The following USP35 variants were observed in gnomAD, a reference collection of about 807,000 sequenced individuals.
USP35 encodes ubiquitin specific peptidase 35.
In USP35, 69 loss-of-function variants were observed where a neutral mutation model predicts 83.8. The ratio of observed to expected loss-of-function variants is 0.82; its 90% CI spans 0.68 to 1.01. The LOEUF (loss-of-function observed/expected upper bound fraction) is 1.01. Ranked by LOEUF, USP35 falls within the 50% of genes least tolerant of loss-of-function variation. The pLI is 0.00. For synonymous variants in USP35, 714 were observed against 589.5 expected (o/e 1.21, Z -3.06); for missense variants, 1,503 against 1,362.5 (o/e 1.10, Z -1.62).
intron 4 of USP35, 113 bp downstream of exon 4, chr11:78,199,837 T>C (rs1004386186): frequency 6.5e-7 from 1 of 1,538,426 alleles, no homozygotes; most frequent in Non-Finnish European, 8.8e-7. Context: ...GCTCGCTGTG[T>C]GACCTGGGCG....
intron 6 of USP35, among the ~76,000 whole-genome samples, chr11:78,202,607 G>A (rs140899399): frequency 6.6e-6 from 1 of 150,742 alleles, no homozygotes; most frequent in East Asian, 2.0e-4. Context: ...AATGACAGTT[G>A]GTAGATACAA....
the USP35 span, among the ~76,000 whole-genome samples, chr11:78,229,101 G>C: frequency 6.6e-6 from 1 of 152,162 alleles, no homozygotes; most frequent in Non-Finnish European, 1.5e-5. Context: ...GTCAAGTAGG[G>C]GTGAGTATGT....
At chr11:78,209,030 C>T (rs1863630565) in intron 9 of USP35, 67 bp downstream of exon 9, 2 of 1,506,870 alleles carry the variant, frequency 1.3e-6, no homozygotes, top group Non-Finnish European at 1.8e-6. Context: ...CCCAGTACCT[C>T]TGAGCTGTGT....
At chr11:78,201,925 T>C (rs559000239) in intron 6 of USP35, among the ~76,000 whole-genome samples, 218 of 152,084 alleles carry the variant, frequency 1.4e-3, no homozygotes, top group Non-Finnish European at 2.5e-3. Flanking sequence ...GATCTGACTT[T>C]TACATCTGCA....
intron 1 of USP35, among the ~76,000 whole-genome samples, chr11:78,193,693 C>T (rs1172098558): frequency 6.6e-6 from 1 of 152,142 alleles, no homozygotes; most frequent in African/African-American, 2.4e-5. Context: ...GCCTAAGTAA[C>T]CTTTATGGGA....
Position 78,214,752 on chromosome 11 carries a change from G to A in USP35, c.*939G>A, listed in dbSNP as rs988046692. ...GACTCAGGGGCTGTGATGGCCACTG[G>A]GTTTTGCTCACGGGGTCTGGGGAGG... is the stretch of plus-strand genomic sequence containing the variant. On this transcript the variant is annotated 3_prime_UTR_variant, in exon 11 of 11. Transcript: ENST00000529308. The A allele has an allele frequency of 6.6e-6, 1 of 150,898 alleles. No homozygotes were observed. The highest frequency in any genetic ancestry group is 1.5e-5 in the Non-Finnish European group (1 of 68,072). 9.3% of individuals were successfully genotyped at this position (150,898 alleles called of 1,614,324 possible).
intron 3 of USP35, chr11:78,198,675 C>T (rs1364553618): frequency 3.0e-6 from 3 of 985,290 alleles, no homozygotes; most frequent in Non-Finnish European, 3.6e-6. Context: ...GTAGGGCCTT[C>T]CTGGATTCCT....
rs376853981 is a variant in USP35 at position 78,213,815 on chromosome 11, G to GT, written c.*3dup. On this transcript the variant is annotated 3_prime_UTR_variant, in exon 11 of 11. Coordinates refer to ENST00000529308, the MANE Select transcript of USP35 (RefSeq NM_020798.4). ...GACTTCCACAGACTGGTCTTCTAAT[G>GT]TGAACCTGCTGCCAACCTGACCCCT... 1.9e-6 allele frequency: 3 copies of GT among 1,553,050 alleles called. No homozygotes were observed. In the Admixed American group the frequency reaches 6.5e-5, roughly 34 times the overall value.
chr11:78,212,101 G>T, intron 10 of USP35, among the ~76,000 whole-genome samples: 1 of 152,208 alleles, frequency 6.6e-6, no homozygotes, highest in Non-Finnish European at 1.5e-5. Context: ...TTAATCCATC[G>T]AGTGAATTTT....
Position 78,200,665 on chromosome 11 carries a change from C to G in USP35, c.1054C>G (p.Pro352Ala), listed in dbSNP as rs559594394. Residue 352 changes from proline (P) to alanine (A), a missense_variant, in exon 6 of 11, where the codon CCC (proline) becomes GCC (alanine). Physicochemically the swap from Pro to Ala is conservative, Grantham distance 27. Transcript: ENST00000529308. ...EAFHLLLPHI[P>A]PMVASLVKED... ...GCTCCCACAGCTCCTCCCTCACATC[C>G]CCCCCATGGTGGCCTCTCTGGTCAA... 1.9e-6 allele frequency: 3 copies of G among 1,610,988 alleles called. No homozygotes were observed. Among genetic ancestry groups the G allele is most frequent in the African/African-American group, 1.3e-5 (1 of 74,812 alleles).
rs1863917018 is a variant in USP35 at position 78,213,741 on chromosome 11, G to C, written c.2985G>C (p.Glu995Asp). ...GGGGCTTTGATGAAGACAAGGATGA[G>C]GATGAAGGCTCTCCAGGGGGCTGCA... Reference protein sequence around the residue: ...WGRGFDEDKDEDEGSPGGCNP... With the variant: ...WGRGFDEDKDDDEGSPGGCNP... Residue 995 changes from glutamate (E) to aspartate (D), a missense_variant, in exon 11 of 11, where the codon GAG becomes GAC. Glu to Asp is a conservative substitution (Grantham distance 45). Transcript: ENST00000529308. 1.3e-6 allele frequency: 2 copies of C among 1,541,864 alleles called. No homozygotes were observed. The highest frequency in any genetic ancestry group is 5.2e-5 in the East Asian group (2 of 38,798).
intron 1 of USP35, among the ~76,000 whole-genome samples, chr11:78,193,228 T>C (rs1364915578): frequency 6.6e-6 from 1 of 152,110 alleles, no homozygotes. Flanking sequence ...GGAACTCACT[T>C]AGTCACCCAG....
rs1189790856 is a variant in USP35 at position 78,210,608 on chromosome 11, C to T, written c.2753C>T (p.Ala918Val). Residue 918 changes from alanine (A) to valine (V), a missense_variant, in exon 10 of 11, where the codon GCC (alanine) becomes GTC (valine). Physicochemically the swap from Ala to Val is moderately conservative, Grantham distance 64. Transcript: ENST00000529308. Reference sequence around the variant, plus strand: ...ACCTCCTTCTTCCCTAAGGACACAGCCTATGTGCTGTTTTACCGGCAGCGG... The same window carrying T: ...ACCTCCTTCTTCCCTAAGGACACAGTCTATGTGCTGTTTTACCGGCAGCGG... ...NVTSFFPKDT[A>V]YVLFYRQRPR... 2.5e-6 allele frequency: 4 copies of T among 1,614,202 alleles called. No homozygotes were observed. The highest frequency in any genetic ancestry group is 1.1e-5 in the South Asian group (1 of 91,074).
chr11:78,200,310 G>A (rs1863309656), intron 5 of USP35, 76 bp downstream of exon 5: 3 of 1,525,466 alleles, frequency 2.0e-6, no homozygotes, highest in Non-Finnish European at 2.7e-6. Context: ...TACTGCCCCT[G>A]GTAAGGGCCC....
At chr11:78,219,084 A>T (rs890041842), downstream of USP35, 327 of 582,474 alleles carry the variant, frequency 5.6e-4, 1 homozygote, top group Non-Finnish European at 5.1e-4. Flanking sequence ...TGGGCAGAGG[A>T]GGTGCCTTGA....
intron 6 of USP35, among the ~76,000 whole-genome samples, chr11:78,204,470 CATT>C (rs1863474806): frequency 6.6e-6 from 1 of 152,276 alleles, no homozygotes; most frequent in African/African-American, 2.4e-5. Context: ...TTTCTAGTAA[CATT>C]ATTAGGTTCT....
chr11:78,210,253 G>C lies in USP35; in HGVS notation c.2398G>C (p.Gly800Arg). The C allele has an allele frequency of 6.2e-7, 1 of 1,614,124 alleles. No individual in the cohort carries two copies. The highest frequency in any genetic ancestry group is 1.3e-5 in the African/African-American group (1 of 75,046). The change falls in exon 10 of 11, where the codon GGG becomes CGG. Residue 800 changes from glycine (G) to arginine (R), a missense_variant. Coordinates refer to ENST00000529308, the MANE Select transcript of USP35 (RefSeq NM_020798.4). ...CGAGAAGGTGGTGGAGCTGAGCCAAGGGCCGTGCTACCTCATCCTCACACT... is the reference window on the plus strand; with the variant it reads ...CGAGAAGGTGGTGGAGCTGAGCCAACGGCCGTGCTACCTCATCCTCACACT... ...DAEKVVELSQ[G>R]PCYLILTLLR...
chr11:78,192,701 C>T (rs1336829787), intron 1 of USP35, among the ~76,000 whole-genome samples: 1 of 152,178 alleles, frequency 6.6e-6, no homozygotes, highest in Admixed American at 6.5e-5. Flanking sequence ...AGCTGCCAGG[C>T]TTATGTGGTG....
chr11:78,221,974 C>G, the USP35 span: 7 of 722,550 alleles, frequency 9.7e-6, no homozygotes, highest in South Asian at 1.6e-5. Context: ...CACAAGACAT[C>G]GAGACATGAT....
Sources: gnomAD v4.1 joint callset for allele counts (sites outside exome capture counted in the v4.1 genomes callset) on GRCh38, gnomAD v4.1.1 for gene constraint, MANE v1.5 for transcripts, NCBI Gene and HGNC (gene_info 2026-07-23, HGNC 2026-07-21) for gene names.